Variants in AP2A2 observed in about 807,000 individuals in gnomAD.
AP2A2 encodes AP-2 complex subunit alpha-2.
A neutral mutation model predicts 104.2 loss-of-function variants in AP2A2; 32 were observed. That is an observed-to-expected ratio of 0.31 (90% confidence interval 0.23 to 0.41). The LOEUF (loss-of-function observed/expected upper bound fraction) is 0.41. Ranked by LOEUF, AP2A2 falls within the 10% of genes least tolerant of loss-of-function variation. AP2A2 has a pLI of 1.00. For missense variants in AP2A2, 912 were observed against 1,261.0 expected, an observed-to-expected ratio of 0.72 and a Z score of 4.19; for synonymous variants, 539 against 533.3, an observed-to-expected ratio of 1.01 and a Z score of -0.15.
At chr11:997,435 C>T (rs1392124795) in intron 14 of AP2A2, among the ~76,000 whole-genome samples, 1 of 152,168 alleles carries the variant, frequency 6.6e-6, no homozygotes, top group Non-Finnish European at 1.5e-5. Flanking sequence ...GGCCTGCTCC[C>T]TGAGGAGGGT....
chr11:929,898 G>C (rs960946026), intron 1 of AP2A2, among the ~76,000 whole-genome samples: 1 of 151,920 alleles, frequency 6.6e-6, no homozygotes, highest in Non-Finnish European at 1.5e-5. Flanking sequence ...GAGGTGGGCG[G>C]ATCACCTGAG....
chr11:1,008,498 C>T, intron 18 of AP2A2: 1 of 248,618 alleles, frequency 4.0e-6, no homozygotes, highest in Admixed American at 4.9e-5. Flanking sequence ...TTTCCTTCGG[C>T]CCCCTGGCCT....
intron 1 of AP2A2, among the ~76,000 whole-genome samples, chr11:940,318 C>T (rs551634567): frequency 6.6e-6 from 1 of 152,290 alleles, no homozygotes; most frequent in East Asian, 1.9e-4. Flanking sequence ...AATCTGGAAA[C>T]TTATGTCTTT....
In AP2A2 at chr11:925,944, G is replaced by T. The variant is rs1338672498; in HGVS notation, c.-78G>T. The T allele has an allele frequency of 2.6e-6, 3 of 1,155,424 alleles. No homozygotes were observed. The highest frequency in any genetic ancestry group is 4.3e-5 in the South Asian group (2 of 46,906). 71.6% of individuals were successfully genotyped at this position (1,155,424 alleles called of 1,614,324 possible). On this transcript the variant is annotated 5_prime_UTR_variant, in exon 1 of 22. Coordinates refer to ENST00000448903, the MANE Select transcript of AP2A2 (RefSeq NM_012305.4). The stretch of plus-strand genomic sequence containing the variant: ...GCGGCTCCTCCGCGGCGGTGACGGC[G>T]ACCGCACTCCCCGCTTCCCGCTCCC...
intron 3 of AP2A2, 43 bp from the exon 4 acceptor site, chr11:972,019 G>C (rs779269668): frequency 7.7e-6 from 12 of 1,559,574 alleles, no homozygotes; most frequent in Non-Finnish European, 1.0e-5. Context: ...AGGTGGACTT[G>C]GATTGTCATG....
At chr11:950,492 T>C (rs1245740454) in intron 1 of AP2A2, among the ~76,000 whole-genome samples, 3 of 152,014 alleles carry the variant, frequency 2.0e-5, no homozygotes, top group Non-Finnish European at 4.4e-5. Flanking sequence ...TGTTTTTTTG[T>C]AGAGATAGGG....
At chr11:932,991 C>T (rs866060949) in intron 1 of AP2A2, among the ~76,000 whole-genome samples, 5 of 152,134 alleles carry the variant, frequency 3.3e-5, no homozygotes, top group Non-Finnish European at 5.9e-5. Flanking sequence ...TCAAATACGC[C>T]GGGCGCTGCG....
At chr11:983,017 C>CTTT (rs56742889) in intron 6 of AP2A2, among the ~76,000 whole-genome samples, 18 of 82,354 alleles carry the variant, frequency 2.2e-4, no homozygotes, top group Admixed American at 4.9e-4. Context: ...TTTTCTTTTT[C>CTTT]TTTTTTTTTT....
In AP2A2 at chr11:992,696, C is replaced by A; in HGVS notation, c.1452+11C>A. 3.1e-6 allele frequency: 5 copies of A among 1,613,630 alleles called. No homozygotes were observed. The highest frequency in any genetic ancestry group is 4.2e-6 in the Non-Finnish European group (5 of 1,179,790). On this transcript the variant is annotated intron_variant, in intron 11 of 21. Coordinates refer to ENST00000448903, the MANE Select transcript of AP2A2 (RefSeq NM_012305.4). This position sits in a 1 kb window ranked among gnomAD's most constrained non-coding sequence, Gnocchi z 6.4. ...AAGACTGTGTTCGAGGTATGGCCCG[C>A]AGGATGGCAGGAAGGATGGGGTGGA...
chr11:995,161 C>T (rs1855810846), intron 14 of AP2A2, among the ~76,000 whole-genome samples: 1 of 152,232 alleles, frequency 6.6e-6, no homozygotes, highest in Non-Finnish European at 1.5e-5. Flanking sequence ...GTCCCCTCTC[C>T]TACAGGACTG....
chr11:925,995 G>A lies in AP2A2; in HGVS notation c.-27G>A. On this transcript the variant is annotated 5_prime_UTR_variant, in exon 1 of 22. Transcript: ENST00000448903. ...CGCGCTCCTCCGCCCGGGTCCGCCA[G>A]CCGAGGCCGCTCCCGAGCGTCGGAA... The A allele has an allele frequency of 1.4e-6, 2 of 1,395,426 alleles. No homozygotes were observed. The highest frequency in any genetic ancestry group is 1.9e-6 in the Non-Finnish European group (2 of 1,060,494). 86.4% of individuals were successfully genotyped at this position (1,395,426 alleles called of 1,614,324 possible).
intron 1 of AP2A2, among the ~76,000 whole-genome samples, chr11:955,291 A>C (rs1309050961): frequency 1.3e-5 from 2 of 152,224 alleles, no homozygotes; most frequent in Non-Finnish European, 2.9e-5. Flanking sequence ...AGCTGCCTGC[A>C]GGCTTTGTGT....
In AP2A2 at chr11:959,423, G is replaced by T. The variant is rs757790459; in HGVS notation, c.68-14G>T. The stretch of plus-strand genomic sequence containing the variant: ...TCAATTAAAATAAAAATGGCTTTTT[G>T]TTCTTTTTTTTAGGTAAAAGTAAAG... On this transcript the variant is annotated splice_polypyrimidine_tract_variant and intron_variant, in intron 1 of 21. Transcript: ENST00000448903. 6.7e-7 allele frequency: 1 copy of T among 1,496,292 alleles called. No individual in the cohort carries two copies. Among genetic ancestry groups the T allele is most frequent in the Non-Finnish European group, 9.2e-7 (1 of 1,081,894 alleles). 92.7% of individuals were successfully genotyped at this position (1,496,292 alleles called of 1,614,324 possible). A position where few individuals can be genotyped will look rare whatever the true frequency, so the allele number is the denominator to read the frequency against.
At position 1,011,799 on chromosome 11, in the gene AP2A2, G is replaced by T. The variant is rs1360210997; in HGVS notation, c.*1174G>T. On this transcript the variant is annotated 3_prime_UTR_variant, in exon 22 of 22. Transcript: ENST00000448903. Reference sequence around the variant, plus strand: ...ACCCTGGCCCTCAGTTGCCTGCTGTGCGGGTCCCTGGGGCAGCTGCAGGGG... The same window carrying T: ...ACCCTGGCCCTCAGTTGCCTGCTGTTCGGGTCCCTGGGGCAGCTGCAGGGG... The T allele has an allele frequency of 3.3e-6, 1 of 305,230 alleles. No individual in the cohort carries two copies. Among genetic ancestry groups the T allele is most frequent in the East Asian group, 9.4e-5 (1 of 10,674 alleles). 18.9% of individuals were successfully genotyped at this position (305,230 alleles called of 1,614,324 possible).
intron 1 of AP2A2, among the ~76,000 whole-genome samples, chr11:938,981 C>T (rs938372951): frequency 8.6e-5 from 13 of 151,972 alleles, no homozygotes; most frequent in Non-Finnish European, 1.8e-4. Context: ...AGGCCAGGTG[C>T]GGTGGCTCAC....
chr11:955,911 C>T (rs1854218477), intron 1 of AP2A2, among the ~76,000 whole-genome samples: 1 of 152,196 alleles, frequency 6.6e-6, no homozygotes, highest in African/African-American at 2.4e-5. Context: ...GCACACCAGG[C>T]CTGGCGGGGC....
At chr11:977,295 A>T (rs1855078295) in intron 5 of AP2A2, 71 bp downstream of exon 5, 1 of 1,510,848 alleles carries the variant, frequency 6.6e-7, no homozygotes, top group South Asian at 1.3e-5. Flanking sequence ...TGAAGACACC[A>T]TGGTGCGCCT....
intron 15 of AP2A2, 50 bp downstream of exon 15, chr11:1,000,648 C>G (rs1201460094): frequency 1.3e-6 from 2 of 1,504,070 alleles, no homozygotes; most frequent in Non-Finnish European, 1.8e-6. Context: ...TGCCGTGCCC[C>G]CTGACTTCTG....
chr11:955,269 C>G (rs930923900), intron 1 of AP2A2, among the ~76,000 whole-genome samples: 1 of 152,236 alleles, frequency 6.6e-6, no homozygotes, highest in South Asian at 2.1e-4. Context: ...ATGCGCAGTC[C>G]CAGCTGTGTG....
Sources: gnomAD v4.1 joint callset for allele counts (sites outside exome capture counted in the v4.1 genomes callset) on GRCh38, gnomAD v4.1.1 for gene constraint, Gnocchi (gnomAD v3.1) non-coding constraint, MANE v1.5 for transcripts, NCBI Gene and HGNC (gene_info 2026-07-23, HGNC 2026-07-21) for gene names.